DYNC1H1: variants seen among roughly 807,000 people sequenced by gnomAD.
DYNC1H1 encodes the protein cytoplasmic dynein 1 heavy chain 1.
A neutral mutation model predicts 527.1 loss-of-function variants in DYNC1H1; 51 were observed. That is an observed-to-expected ratio of 0.10 (90% CI 0.08 to 0.12). The LOEUF (loss-of-function observed/expected upper bound fraction) is 0.12, where lower values mean the gene tolerates loss of function less well. DYNC1H1 is among the 10% of genes least tolerant of loss of function. The pLI is 1.00. For missense variants in DYNC1H1, 2,771 were observed against 5,971.8 expected (o/e 0.46, Z 17.66); for synonymous variants, 2,189 against 2,278.8 (o/e 0.96, Z 1.12).
At position 102,020,136 on chromosome 14, in the gene DYNC1H1, A is replaced by G; in HGVS notation, c.8507+80A>G. The stretch of plus-strand genomic sequence containing the variant: ...CAGCTGTCGAAGCTGGGGTCTTTGC[A>G]GGGGTGGTCTGCCTAAGTTAGAGCC... On this transcript the variant is annotated intron_variant, in intron 42 of 77. Coordinates refer to ENST00000360184, the MANE Select transcript of DYNC1H1 (RefSeq NM_001376.5). The surrounding 1 kb of genome is among the most constrained non-coding windows in gnomAD (Gnocchi z 4.3). 1.3e-6 allele frequency: 2 copies of G among 1,565,602 alleles called. No homozygotes were observed. Among genetic ancestry groups the G allele is most frequent in the Admixed American group, 1.9e-5 (1 of 53,476 alleles).
At chr14:101,968,193 G>A (rs562906686) in intron 1 of DYNC1H1, among the ~76,000 whole-genome samples, 1 of 152,342 alleles carries the variant, frequency 6.6e-6, no homozygotes, top group African/African-American at 2.4e-5. Context: ...TCTGCAGCTT[G>A]TTCATGACCT....
chr14:102,041,570 T>A lies in DYNC1H1; in HGVS notation c.11942-4T>A. The A allele has an allele frequency of 6.2e-7, 1 of 1,614,008 alleles. No individual in the cohort carries two copies. The highest frequency in any genetic ancestry group is 1.1e-5 in the South Asian group (1 of 91,068). On this transcript the variant is annotated splice_region_variant and splice_polypyrimidine_tract_variant and intron_variant, in intron 64 of 77. Transcript: ENST00000360184. The surrounding 1 kb of genome is among the most constrained non-coding windows in gnomAD (Gnocchi z 4.5). ...CAGCACCCACCCCTCTGTACCTGTTTCAGCACCCATTGGCCAGGCCATCCA... is the reference window on the plus strand; with the variant it reads ...CAGCACCCACCCCTCTGTACCTGTTACAGCACCCATTGGCCAGGCCATCCA...
At chr14:102,048,261 C>G (rs939150845) in intron 73 of DYNC1H1, 14 of 715,560 alleles carry the variant, frequency 2.0e-5, no homozygotes, top group Admixed American at 1.3e-4. Context: ...GACAGCGCCA[C>G]AGCGAGCAGC....
Position 102,032,695 on chromosome 14 carries a change from A to T in DYNC1H1, c.10079+228A>T, listed in dbSNP as rs574705632. 21 of 624,928 alleles carry T rather than the reference A, an allele frequency of 3.4e-5. 1 individual carries two copies. In the South Asian group the frequency reaches 3.8e-4, roughly 11 times the overall value. 38.7% of individuals were successfully genotyped at this position (624,928 alleles called of 1,614,324 possible). On this transcript the variant is annotated intron_variant, in intron 52 of 77. Transcript: ENST00000360184. The stretch of plus-strand genomic sequence containing the variant: ...GGCGACACCCTGTCTCTACAAAAAA[A>T]TACAAAAATGAGCTGGGCGGGGTGG...
intron 73 of DYNC1H1, 54 bp downstream of exon 73, chr14:102,048,082 T>C: frequency 6.4e-7 from 1 of 1,561,340 alleles, no homozygotes; most frequent in East Asian, 2.4e-5. Flanking sequence ...GTGCTGGGTA[T>C]GGTCATGGAC....
At position 102,028,990 on chromosome 14, in the gene DYNC1H1, T is replaced by C. The variant is rs187786684; in HGVS notation, c.9469-549T>C. The C allele has an allele frequency of 1.2e-4, 20 of 172,058 alleles. No individual in the cohort carries two copies. The East Asian group carries it at 3.1e-3, about 27-fold the overall frequency. The allele number at this position is 172,058 out of a possible 1,614,324, so 10.7% of individuals were successfully genotyped here. The stretch of plus-strand genomic sequence containing the variant: ...AATCCTTGCTGTAGATTCTGTGTGA[T>C]AGAAGAATTCAGTCTACTCCTCCCT... On this transcript the variant is annotated intron_variant, in intron 48 of 77. Coordinates refer to ENST00000360184, the MANE Select transcript of DYNC1H1 (RefSeq NM_001376.5).
intron 5 of DYNC1H1, among the ~76,000 whole-genome samples, chr14:101,982,661 A>T (rs1233201501): frequency 2.2e-5 from 3 of 133,434 alleles, no homozygotes; most frequent in African/African-American, 8.3e-5. Flanking sequence ...GAAACTACCC[A>T]CCCCCCCACC....
chr14:102,031,185 A>C (rs1330602942), intron 51 of DYNC1H1, among the ~76,000 whole-genome samples: 3 of 152,184 alleles, frequency 2.0e-5, no homozygotes. Flanking sequence ...TTTTACAAAA[A>C]TTTCAGCCTA....
rs1271489205 is a variant in DYNC1H1, at chr14:102,041,107, A to G, written c.11941+434A>G. 2 of 346,160 alleles carry G rather than the reference A, an allele frequency of 5.8e-6. No individual in the cohort carries two copies. The highest frequency in any genetic ancestry group is 1.1e-5 in the Non-Finnish European group (2 of 179,934). 21.4% of individuals were successfully genotyped at this position (346,160 alleles called of 1,614,324 possible). On this transcript the variant is annotated intron_variant, in intron 64 of 77. Transcript: ENST00000360184. This position sits in a 1 kb window ranked among gnomAD's most constrained non-coding sequence, Gnocchi z 4.5. ...ATTCATCTCATGCTTAAAGACCACA[A>G]GAGAACTAGATGGGGAACTCCTGCC...
Position 102,038,226 on chromosome 14 carries a change from G to T in DYNC1H1, c.10909-234G>T, listed in dbSNP as rs919092465. 1.7e-6 allele frequency: 1 copy of T among 587,148 alleles called. No individual in the cohort carries two copies. Among genetic ancestry groups the T allele is most frequent in the South Asian group, 1.8e-5 (1 of 55,400 alleles). 36.4% of individuals were successfully genotyped at this position (587,148 alleles called of 1,614,324 possible). A position where few individuals can be genotyped will look rare whatever the true frequency, so the allele number is the denominator to read the frequency against. On this transcript the variant is annotated intron_variant, in intron 57 of 77. Coordinates refer to ENST00000360184, the MANE Select transcript of DYNC1H1 (RefSeq NM_001376.5). This position sits in a 1 kb window ranked among gnomAD's most constrained non-coding sequence, Gnocchi z 7.2. ...ACTCCTGACCTCAAGTGATCTGCCT[G>T]CCTCAGCCTCCCAAAGTGCTGGAAT...
In DYNC1H1 at chr14:102,044,066, G is replaced by T; in HGVS notation, c.12684+21G>T. 1 of 1,612,746 alleles carries T rather than the reference G, an allele frequency of 6.2e-7. No individual in the cohort carries two copies. The highest frequency in any genetic ancestry group is 8.5e-7 in the Non-Finnish European group (1 of 1,179,982). ...CCAAGGCAAGTGTGGGCCATGCCAG[G>T]ACAGACAGTGGACGTGTATCTGGGA... On this transcript the variant is annotated intron_variant, in intron 70 of 77. Transcript: ENST00000360184. The surrounding 1 kb of genome is among the most constrained non-coding windows in gnomAD (Gnocchi z 7.1).
chr14:101,970,730 G>A (rs1411985680), intron 1 of DYNC1H1, among the ~76,000 whole-genome samples: 3 of 152,038 alleles, frequency 2.0e-5, no homozygotes, highest in Admixed American at 6.6e-5. Flanking sequence ...TGATCCGCCC[G>A]CCTCAGCCTC....
Position 102,042,075 on chromosome 14 carries a change from C to T in DYNC1H1, c.12165C>T (p.Val4055=), listed in dbSNP as rs753386602. Residue 4055 remains valine, a synonymous_variant, in exon 66 of 78, where the codon GTC becomes GTT. Transcript: ENST00000360184. The surrounding 1 kb of genome is among the most constrained non-coding windows in gnomAD (Gnocchi z 5.7). ...SVPGYDASGH[V]EDLAAEQNTQ... ...CTGGTTATGATGCCAGTGGACATGT[C>T]GAGGACCTTGCAGCCGAGCAGAACA... 1.5e-5 allele frequency: 25 copies of T among 1,613,962 alleles called. No individual in the cohort carries two copies. Among genetic ancestry groups the T allele is most frequent in the Non-Finnish European group, 2.0e-5 (24 of 1,180,028 alleles).
In DYNC1H1 at chr14:102,033,233, T is replaced by A. The variant is rs2048530559; in HGVS notation, c.10198-36T>A. 6.2e-7 allele frequency: 1 copy of A among 1,614,192 alleles called. No homozygotes were observed. The highest frequency in any genetic ancestry group is 1.1e-5 in the South Asian group (1 of 91,078). ...GTGTGAAAGGTGACCTCTTTTCCTG[T>A]CACTTAAATAACAGTTATCAATTGG... On this transcript the variant is annotated intron_variant, in intron 53 of 77. Transcript: ENST00000360184. The surrounding 1 kb of genome is among the most constrained non-coding windows in gnomAD (Gnocchi z 5.6).
chr14:101,997,190 A>G lies in DYNC1H1; in HGVS notation c.3720A>G (p.Gln1240=), dbSNP rs2048072242. Reference sequence around the variant, plus strand: ...TTCAGCAGCAGGTGGCAAACCTGCAAATGAAGATTGTCCAGGAGGATCGGG... The same window carrying G: ...TTCAGCAGCAGGTGGCAAACCTGCAGATGAAGATTGTCCAGGAGGATCGGG... ...SAIQQQVANL[Q]MKIVQEDRAV... is the part of the protein sequence containing the mutation. The change falls in exon 16 of 78, where the codon CAA becomes CAG. Residue 1240 remains glutamine (Q), a synonymous_variant. Transcript: ENST00000360184. The surrounding 1 kb of genome is among the most constrained non-coding windows in gnomAD (Gnocchi z 4.8). 6.2e-7 allele frequency: 1 copy of G among 1,613,996 alleles called. No homozygotes were observed. The highest frequency in any genetic ancestry group is 1.7e-5 in the Admixed American group (1 of 59,994).
At chr14:101,980,652 C>T in intron 5 of DYNC1H1, 102 bp downstream of exon 5, 2 of 1,384,922 alleles carry the variant, frequency 1.4e-6, no homozygotes, top group Non-Finnish European at 2.0e-6. Flanking sequence ...CACAGATGTA[C>T]TGTCGTTTTT....
rs760664167 is a variant in DYNC1H1, at chr14:102,010,006, G to C, written c.6141G>C (p.Gln2047His). ...TGGCCATGACCAAGCCCGACCGGCA[G>C]TTAATCGCCCAGGTCATGCTGTACT... The part of the protein sequence containing the change: ...RSLAMTKPDR[Q>H]LIAQVMLYSQ... Residue 2047 changes from glutamine (Q) to histidine (H), a missense_variant, in exon 30 of 78, where the codon CAG (glutamine) becomes CAC (histidine). Physicochemically the swap from Gln to His is conservative, Grantham distance 24 (BLOSUM62 0). Around this residue, in one of 32 missense-constraint regions of DYNC1H1, gnomAD observed 19 missense variants for 90.4 expected, o/e 0.21. Transcript: ENST00000360184. The surrounding 1 kb of genome is among the most constrained non-coding windows in gnomAD (Gnocchi z 6.0). 1.9e-6 allele frequency: 3 copies of C among 1,614,114 alleles called. No homozygotes were observed. Among genetic ancestry groups the C allele is most frequent in the South Asian group, 2.2e-5 (2 of 91,082 alleles).
chr14:102,051,232 G>C lies in DYNC1H1; in HGVS notation c.*669G>C, dbSNP rs1367329499. 1 of 155,734 alleles carries C rather than the reference G, an allele frequency of 6.4e-6. No individual in the cohort carries two copies. The highest frequency in any genetic ancestry group is 1.4e-5 in the Non-Finnish European group (1 of 71,572). The allele number at this position is 155,734 out of a possible 1,614,324, so 9.6% of individuals were successfully genotyped here. A position where few individuals can be genotyped will look rare whatever the true frequency, so the allele number is the denominator to read the frequency against. Reference sequence around the variant, plus strand: ...GATCTCACCACTGCACTCCAGCCTGGGTGACAGAGCAAGACCCTGTCTCAA... The same window carrying C: ...GATCTCACCACTGCACTCCAGCCTGCGTGACAGAGCAAGACCCTGTCTCAA... On this transcript the variant is annotated 3_prime_UTR_variant, in exon 78 of 78. Transcript: ENST00000360184.
chr14:102,042,175 TG>T lies in DYNC1H1; in HGVS notation c.12215-50del. ...GGCTGGAGCCCTGCAGGATTTGTGG[TG>T]GGCATTGATGTCCGAGGCTGCCGCT... On this transcript the variant is annotated intron_variant, in intron 66 of 77. Coordinates refer to ENST00000360184, the MANE Select transcript of DYNC1H1 (RefSeq NM_001376.5). This position sits in a 1 kb window ranked among gnomAD's most constrained non-coding sequence, Gnocchi z 5.7. 6.2e-7 allele frequency: 1 copy of T among 1,613,894 alleles called. No individual in the cohort carries two copies. Among genetic ancestry groups the T allele is most frequent in the Non-Finnish European group, 8.5e-7 (1 of 1,179,894 alleles).
Sources: allele counts gnomAD v4.1 joint callset (sites outside exome capture counted in the v4.1 genomes callset), GRCh38; gene constraint gnomAD v4.1.1; regional missense constraint gnomAD v4.1.1; non-coding constraint Gnocchi (gnomAD v3.1); transcripts MANE v1.5; gene names NCBI Gene and HGNC (gene_info 2026-07-23, HGNC 2026-07-21).